The following ARHGAP6 variants were observed in gnomAD, a reference collection of about 807,000 sequenced individuals.
ARHGAP6 encodes Rho GTPase activating protein 6, also known as rho GTPase-activating protein 6.
Under a neutral mutation model 55.7 loss-of-function variants are expected in ARHGAP6, and 16 were observed. That is an observed-to-expected ratio of 0.29 (90% CI 0.19 to 0.44). ARHGAP6 has a LOEUF of 0.44. Among genes scored for constraint, ARHGAP6 ranks in the 20% least tolerant of loss-of-function variants. The probability of loss-of-function intolerance (pLI) is 1.00; values close to 1 mark genes in which losing one functional copy is unlikely to be tolerated. For synonymous variants in ARHGAP6, 382 were observed against 360.9 expected (o/e 1.06, Z -0.66); for missense variants, 698 against 808.9 (o/e 0.86, Z 1.66).
chrX:11,645,654 G>A (rs778329943), intron 1 of ARHGAP6, among the ~76,000 whole-genome samples: 156 of 111,708 alleles, frequency 1.4e-3, no homozygotes, highest in Non-Finnish European at 2.5e-3. Context: ...GCTCTCCCTC[G>A]TTGGCTTTTA....
intron 2 of ARHGAP6, among the ~76,000 whole-genome samples, chrX:11,235,095 C>G (rs1299095693): frequency 8.9e-6 from 1 of 112,856 alleles, no homozygotes; most frequent in Non-Finnish European, 1.9e-5. Context: ...CCACACTGCC[C>G]TAGCAGAGGT....
intron 5 of ARHGAP6, among the ~76,000 whole-genome samples, chrX:11,184,138 ATTG>A (rs1216748122): frequency 8.9e-6 from 1 of 112,242 alleles, no homozygotes; most frequent in African/African-American, 3.2e-5. Context: ...GTATATAAAG[ATTG>A]TTGTTGTTAT....
At chrX:11,461,990 T>C (rs1034701565) in intron 1 of ARHGAP6, among the ~76,000 whole-genome samples, 5 of 112,006 alleles carry the variant, frequency 4.5e-5, no homozygotes, top group African/African-American at 1.6e-4. Context: ...AGTCAAAATA[T>C]TTTCTTTTAC....
At chrX:11,641,060 T>C (rs1414597394) in intron 1 of ARHGAP6, among the ~76,000 whole-genome samples, 2 of 97,235 alleles carry the variant, frequency 2.1e-5, no homozygotes, top group Non-Finnish European at 4.1e-5. Flanking sequence ...CCATTTTTTT[T>C]TTCTGGACTA....
chrX:11,189,796 CT>C (rs2046431202), intron 3 of ARHGAP6, among the ~76,000 whole-genome samples: 1 of 112,304 alleles, frequency 8.9e-6, no homozygotes, highest in African/African-American at 3.2e-5. Flanking sequence ...GAGTTCCTTT[CT>C]GAATTTCTGT....
intron 2 of ARHGAP6, among the ~76,000 whole-genome samples, chrX:11,246,026 T>C (rs888571468): frequency 2.0e-4 from 22 of 111,796 alleles, no homozygotes; most frequent in Non-Finnish European, 4.1e-4. Flanking sequence ...GAGTAGCCAC[T>C]GTGGTTGAAG....
chrX:11,539,993 T>C (rs1390789147), intron 1 of ARHGAP6, among the ~76,000 whole-genome samples: 2 of 111,199 alleles, frequency 1.8e-5, no homozygotes, highest in Non-Finnish European at 3.8e-5. Flanking sequence ...CGGTGGCTCA[T>C]GCCTGTAATC....
intron 1 of ARHGAP6, among the ~76,000 whole-genome samples, chrX:11,498,462 A>C (rs1260115307): frequency 9.0e-6 from 1 of 111,591 alleles, no homozygotes; most frequent in Non-Finnish European, 1.9e-5. Flanking sequence ...TATATCACAA[A>C]CTCAGCTCCA....
chrX:11,277,333 G>C (rs781581670), intron 1 of ARHGAP6, among the ~76,000 whole-genome samples: 5 of 111,030 alleles, frequency 4.5e-5, no homozygotes, highest in Non-Finnish European at 9.4e-5. Flanking sequence ...TAAAGCTGCT[G>C]TGAATATTCA....
At chrX:11,623,949 A>G (rs2052262925) in intron 1 of ARHGAP6, among the ~76,000 whole-genome samples, 1 of 111,509 alleles carries the variant, frequency 9.0e-6, no homozygotes, top group Non-Finnish European at 1.9e-5. Context: ...GTATAAATCT[A>G]GAGGCATCAC....
At chrX:11,363,041 AT>A (rs2147696779) in intron 1 of ARHGAP6, among the ~76,000 whole-genome samples, 1 of 112,294 alleles carries the variant, frequency 8.9e-6, no homozygotes, top group South Asian at 3.8e-4. Flanking sequence ...AAGAAAAAAA[AT>A]AAAACCATAT....
chrX:11,518,487 C>G lies in ARHGAP6; in HGVS notation c.588+145754G>C, dbSNP rs547100615. Reference sequence around the variant, plus strand: ...CTTTTTTTTTTTTTTTTTTGACCTACTGTCTTTCTTGGTCAGAATTTAAGT... The same window carrying G: ...CTTTTTTTTTTTTTTTTTTGACCTAGTGTCTTTCTTGGTCAGAATTTAAGT... On this transcript the variant is annotated intron_variant, in intron 1 of 12. Coordinates refer to ENST00000337414, the MANE Select transcript of ARHGAP6 (RefSeq NM_013427.3). 9.7e-4 allele frequency among the ~76,000 whole-genome samples: 77 copies of G among 79,007 alleles called. 2 individuals carry two copies. The South Asian group carries it at 0.05, about 51-fold the overall frequency. 68.6% of individuals were successfully genotyped at this position (79,007 alleles called of 115,157 possible).
At chrX:11,474,794 T>C (rs1179099203) in intron 1 of ARHGAP6, among the ~76,000 whole-genome samples, 3 of 111,018 alleles carry the variant, frequency 2.7e-5, no homozygotes, top group Non-Finnish European at 5.7e-5. Flanking sequence ...AAGGACTTGG[T>C]GCCATTTTTG....
rs772586009 is a variant in ARHGAP6, at chrX:11,292,213, CTG to C, written c.589-37508_589-37507del. On this transcript the variant is annotated intron_variant, in intron 1 of 12. Coordinates refer to ENST00000337414, the MANE Select transcript of ARHGAP6 (RefSeq NM_013427.3). ...CAAAGAGATCCAAGTATAACATCAA[CTG>C]TATCTGGGTAGATATTCAGTATCTC... Among the ~76,000 whole-genome samples, 3 of 112,028 alleles carry C rather than the reference CTG, an allele frequency of 2.7e-5. No homozygotes were observed. In the Admixed American group the frequency reaches 2.8e-4, roughly 11 times the overall value.
intron 1 of ARHGAP6, among the ~76,000 whole-genome samples, chrX:11,577,226 A>G (rs1272431397): frequency 8.9e-6 from 1 of 112,354 alleles, no homozygotes; most frequent in Non-Finnish European, 1.9e-5. Context: ...TATTCTGCTG[A>G]CCACAGGAGG....
At chrX:11,499,263 T>C (rs1329005741) in intron 1 of ARHGAP6, among the ~76,000 whole-genome samples, 2 of 112,284 alleles carry the variant, frequency 1.8e-5, no homozygotes, top group Admixed American at 9.4e-5. Flanking sequence ...AGCTGACTTG[T>C]GTGTGTAGAT....
At chrX:11,627,802 C>A (rs1377781352) in intron 1 of ARHGAP6, among the ~76,000 whole-genome samples, 1 of 111,656 alleles carries the variant, frequency 9.0e-6, no homozygotes, top group Non-Finnish European at 1.9e-5. Context: ...CAGTACCTGG[C>A]GTAATAAGTA....
intron 1 of ARHGAP6, among the ~76,000 whole-genome samples, chrX:11,502,059 A>G (rs1391349060): frequency 8.9e-6 from 1 of 112,451 alleles, no homozygotes; most frequent in Non-Finnish European, 1.9e-5. Context: ...TTTATTTAAA[A>G]ACATGTACAA....
chrX:11,215,343 C>A (rs146170289), intron 2 of ARHGAP6, among the ~76,000 whole-genome samples: 1,789 of 112,906 alleles, frequency 0.016, 39 homozygotes, highest in African/African-American at 0.053. Flanking sequence ...CAGGGCCGAG[C>A]TCTGTCTCAA....
Sources: gnomAD v4.1 joint callset for allele counts (sites outside exome capture counted in the v4.1 genomes callset) on GRCh38, gnomAD v4.1.1 for gene constraint, MANE v1.5 for transcripts, NCBI Gene and HGNC (gene_info 2026-07-23, HGNC 2026-07-21) for gene names.